Variants in SIPA1L3 observed in about 807,000 individuals in gnomAD.
SIPA1L3 encodes the protein signal-induced proliferation-associated 1-like protein 3.
A neutral mutation model predicts 150.1 loss-of-function variants in SIPA1L3; 59 were observed. The ratio of observed to expected loss-of-function variants is 0.39; its 90% CI spans 0.32 to 0.49. The LOEUF is 0.49. Among genes scored for constraint, SIPA1L3 ranks in the 20% least tolerant of loss-of-function variants. SIPA1L3 has a pLI of 0.86. For synonymous variants in SIPA1L3, 1,070 were observed against 1,077.6 expected (o/e 0.99, Z 0.14); for missense variants, 2,211 against 2,489.5 (o/e 0.89, Z 2.38).
At position 38,081,534 on chromosome 19, in the gene SIPA1L3, C is replaced by T. The variant is rs775632428; in HGVS notation, c.-32C>T. ...CCCCATAGAGTGACACCACAGCGTACGGGGCCAGCAGCACTCCAGTGCCCG... is the reference window on the plus strand; with the variant it reads ...CCCCATAGAGTGACACCACAGCGTATGGGGCCAGCAGCACTCCAGTGCCCG... On this transcript the variant is annotated 5_prime_UTR_variant, in exon 3 of 22. It adds an upstream start codon to the 5' untranslated region. Transcript: ENST00000222345. 10 of 1,539,788 alleles carry T rather than the reference C, an allele frequency of 6.5e-6. No individual in the cohort carries two copies. The highest frequency in any genetic ancestry group is 5.7e-5 in the Admixed American group (3 of 53,008).
At position 38,164,430 on chromosome 19, in the gene SIPA1L3, G is replaced by A; in HGVS notation, c.3781-49G>A. 1 of 1,527,248 alleles carries A rather than the reference G, an allele frequency of 6.5e-7. No homozygotes were observed. The highest frequency in any genetic ancestry group is 8.9e-7 in the Non-Finnish European group (1 of 1,121,592). 94.6% of individuals were successfully genotyped at this position (1,527,248 alleles called of 1,614,324 possible). ...GAGGGAGGACCCGGCAAGGGAAGAT[G>A]CGCCCCTGCCCTGGAGTCTGGGAAT... On this transcript the variant is annotated intron_variant, in intron 14 of 21. Transcript: ENST00000222345. This position sits in a 1 kb window ranked among gnomAD's most constrained non-coding sequence, Gnocchi z 4.1.
intron 1 of SIPA1L3, among the ~76,000 whole-genome samples, chr19:38,024,854 T>A (rs1968465210): frequency 6.6e-6 from 1 of 152,110 alleles, no homozygotes; most frequent in Non-Finnish European, 1.5e-5. Context: ...CGACAGAACC[T>A]CCCCAACTCA....
intron 1 of SIPA1L3, among the ~76,000 whole-genome samples, chr19:37,909,187 G>C (rs1388184410): frequency 6.6e-6 from 1 of 152,150 alleles, no homozygotes; most frequent in Non-Finnish European, 1.5e-5. Flanking sequence ...GCCCATATTG[G>C]TCTCCCATCT....
intron 1 of SIPA1L3, among the ~76,000 whole-genome samples, chr19:37,915,109 T>C (rs1185036343): frequency 6.6e-6 from 1 of 152,148 alleles, no homozygotes. Context: ...TAGTACCTAA[T>C]TGATGTGGCA....
intron 1 of SIPA1L3, among the ~76,000 whole-genome samples, chr19:37,926,997 A>C (rs2046509297): frequency 6.6e-6 from 1 of 152,042 alleles, no homozygotes; most frequent in Non-Finnish European, 1.5e-5. Flanking sequence ...AGCTAAAAAA[A>C]GGTGGTGGCA....
At chr19:38,135,962 G>A (rs900109027) in intron 10 of SIPA1L3, among the ~76,000 whole-genome samples, 4 of 151,954 alleles carry the variant, frequency 2.6e-5, no homozygotes, top group East Asian at 2.0e-4. Context: ...TGGCTTGCAC[G>A]CTGACCCCAT....
chr19:37,952,566 A>G, intron 1 of SIPA1L3, among the ~76,000 whole-genome samples: 1 of 152,000 alleles, frequency 6.6e-6, no homozygotes. Flanking sequence ...CCAGCTACTC[A>G]GGGGGCTGAG....
intron 9 of SIPA1L3, among the ~76,000 whole-genome samples, chr19:38,124,482 A>G: frequency 7.4e-6 from 1 of 134,448 alleles, no homozygotes; most frequent in Non-Finnish European, 1.6e-5. Context: ...CCTAGATGGG[A>G]TGGCAGCCGG....
In SIPA1L3 at chr19:38,017,610, G is replaced by A. The variant is rs549095084; in HGVS notation, c.-378-11479G>A. Among the ~76,000 whole-genome samples, 17 of 150,118 alleles carry A rather than the reference G, an allele frequency of 1.1e-4. No individual in the cohort carries two copies. The South Asian group carries it at 1.3e-3, about 11-fold the overall frequency. On this transcript the variant is annotated intron_variant, in intron 1 of 21. Coordinates refer to ENST00000222345, the MANE Select transcript of SIPA1L3 (RefSeq NM_015073.3). The stretch of plus-strand genomic sequence containing the variant: ...TGTCATCATAGCTTACTGCAGTCTC[G>A]AACTCCTGGGCTCGAGTGATCCTCC...
intron 1 of SIPA1L3, among the ~76,000 whole-genome samples, chr19:37,937,102 A>C (rs751753173): frequency 1.3e-4 from 20 of 152,118 alleles, no homozygotes; most frequent in Non-Finnish European, 2.1e-4. Context: ...GGCTCAAGTG[A>C]TCCTCCTGCC....
intron 4 of SIPA1L3, among the ~76,000 whole-genome samples, chr19:38,092,852 ATTTTTTTTTTT>A (rs56232582): frequency 1.7e-5 from 2 of 115,952 alleles, no homozygotes; most frequent in Non-Finnish European, 3.5e-5. Context: ...AGGTGCTTAG[ATTTTTTTTTTT>A]TTTTTTTTTT....
intron 1 of SIPA1L3, among the ~76,000 whole-genome samples, chr19:38,000,979 AACAC>A (rs147355941): frequency 8.8e-4 from 116 of 132,512 alleles, no homozygotes; most frequent in African/African-American, 2.9e-3. Context: ...TAACATATAT[AACAC>A]ACATATATAT....
intron 15 of SIPA1L3, among the ~76,000 whole-genome samples, chr19:38,170,236 C>T (rs866627588): frequency 1.3e-5 from 2 of 152,190 alleles, no homozygotes; most frequent in Admixed American, 6.5e-5. Context: ...TCTCACCCCA[C>T]CTCACTCCAT....
intron 2 of SIPA1L3, among the ~76,000 whole-genome samples, chr19:38,073,912 C>T (rs1375579980): frequency 2.0e-5 from 3 of 152,234 alleles, no homozygotes. Flanking sequence ...GGAAGCACTT[C>T]TGCCAAAGAT....
chr19:37,947,875 A>G (rs1334709231), intron 1 of SIPA1L3, among the ~76,000 whole-genome samples: 1 of 152,114 alleles, frequency 6.6e-6, no homozygotes, highest in Non-Finnish European at 1.5e-5. Context: ...AGCCTGCAGC[A>G]CTTTCCCTAT....
chr19:37,948,176 G>A (rs962968181), intron 1 of SIPA1L3, among the ~76,000 whole-genome samples: 1 of 152,222 alleles, frequency 6.6e-6, no homozygotes, highest in African/African-American at 2.4e-5. Context: ...AGAACAAGCA[G>A]CAGTAGGCAA....
chr19:37,921,778 A>T (rs1484529789), intron 1 of SIPA1L3, among the ~76,000 whole-genome samples: 52 of 148,956 alleles, frequency 3.5e-4, no homozygotes, highest in African/African-American at 1.2e-3. Context: ...TTTTTTTTTT[A>T]TTTTTGTGGA....
chr19:38,093,248 G>T (rs1177661058), intron 4 of SIPA1L3, among the ~76,000 whole-genome samples: 1 of 152,102 alleles, frequency 6.6e-6, no homozygotes, highest in African/African-American at 2.4e-5. Flanking sequence ...AGAGGGAGCC[G>T]TGTGGACAAC....
intron 10 of SIPA1L3, among the ~76,000 whole-genome samples, chr19:38,133,172 C>T (rs1196226101): frequency 6.6e-6 from 1 of 152,134 alleles, no homozygotes; most frequent in Non-Finnish European, 1.5e-5. Context: ...GCACTGCGTG[C>T]CTGGTCTCCC....
Sources: allele counts gnomAD v4.1 joint callset (sites outside exome capture counted in the v4.1 genomes callset), GRCh38; gene constraint gnomAD v4.1.1; non-coding constraint Gnocchi (gnomAD v3.1); transcripts MANE v1.5; gene names NCBI Gene and HGNC (gene_info 2026-07-23, HGNC 2026-07-21).